The following CCDC7 variants were observed in gnomAD, a reference collection of about 807,000 sequenced individuals.
CCDC7 encodes the protein coiled-coil domain containing 7.
Under a neutral mutation model 196.9 loss-of-function variants are expected in CCDC7, and 183 were observed. The ratio of observed to expected loss-of-function variants is 0.93; its 90% CI spans 0.82 to 1.05. CCDC7 has a LOEUF of 1.05. Among genes scored for constraint, CCDC7 ranks in the 50% least tolerant of loss-of-function variants. The pLI is 0.00. For missense variants in CCDC7, 1,540 were observed against 1,482.2 expected (o/e 1.04, Z -0.64); for synonymous variants, 525 against 484.6 (o/e 1.08, Z -1.10).
intron 25 of CCDC7, among the ~76,000 whole-genome samples, chr10:32,716,984 A>C (rs1051727324): frequency 3.9e-5 from 6 of 152,118 alleles, no homozygotes; most frequent in Non-Finnish European, 7.4e-5. Flanking sequence ...GAGACAGAAA[A>C]TTAACAAGGA....
intron 30 of CCDC7, among the ~76,000 whole-genome samples, chr10:32,811,175 T>A (rs1487802564): frequency 6.6e-6 from 1 of 151,896 alleles, no homozygotes; most frequent in Non-Finnish European, 1.5e-5. Flanking sequence ...AGAGCAGAAC[T>A]AAGTGAAATA....
intron 3 of CCDC7, among the ~76,000 whole-genome samples, chr10:32,460,521 C>G (rs1171926404): frequency 6.6e-6 from 1 of 152,118 alleles, no homozygotes; most frequent in Non-Finnish European, 1.5e-5. Flanking sequence ...GCTAAAGTTT[C>G]CCATCAGGTT....
At chr10:32,524,929 G>A (rs2048423469) in intron 11 of CCDC7, among the ~76,000 whole-genome samples, 1 of 151,986 alleles carries the variant, frequency 6.6e-6, no homozygotes, top group Non-Finnish European at 1.5e-5. Flanking sequence ...CTCTAGGTTT[G>A]GGAAGTTGTT....
intron 33 of CCDC7, among the ~76,000 whole-genome samples, chr10:32,844,967 G>C (rs189367170): frequency 8.8e-4 from 133 of 151,854 alleles, no homozygotes; most frequent in African/African-American, 3.2e-3. Flanking sequence ...ACTCTTAGCA[G>C]ATGCTATTGG....
intron 18 of CCDC7, among the ~76,000 whole-genome samples, chr10:32,633,247 A>C (rs1456007653): frequency 1.3e-5 from 2 of 152,084 alleles, no homozygotes; most frequent in Non-Finnish European, 2.9e-5. Flanking sequence ...ATTCATACAC[A>C]CATGTTCTTA....
intron 28 of CCDC7, among the ~76,000 whole-genome samples, chr10:32,752,349 C>T (rs757177537): frequency 7.2e-5 from 11 of 152,024 alleles, no homozygotes; most frequent in Non-Finnish European, 1.5e-4. Context: ...GACAAAACTC[C>T]CCAAGACATG....
At chr10:32,695,903 GC>G (rs1270483951) in intron 24 of CCDC7, among the ~76,000 whole-genome samples, 2 of 152,158 alleles carry the variant, frequency 1.3e-5, no homozygotes, top group Non-Finnish European at 2.9e-5. Context: ...TACGGCATGA[GC>G]CACCAATAGT....
chr10:32,790,249 G>T (rs927486345), intron 29 of CCDC7, among the ~76,000 whole-genome samples: 1 of 152,202 alleles, frequency 6.6e-6, no homozygotes, highest in Admixed American at 6.5e-5. Flanking sequence ...GGCTGTCTGT[G>T]GTGGCTCAGC....
intron 8 of CCDC7, among the ~76,000 whole-genome samples, chr10:32,475,507 A>G (rs2038807792): frequency 6.6e-6 from 1 of 152,222 alleles, no homozygotes; most frequent in South Asian, 2.1e-4. Flanking sequence ...ATAAAACCAC[A>G]TTTCAAAAGG....
At chr10:32,855,205 T>G (rs1488219424) in intron 41 of CCDC7, among the ~76,000 whole-genome samples, 1 of 58,262 alleles carries the variant, frequency 1.7e-5, no homozygotes, top group Non-Finnish European at 7.8e-5. Context: ...AAAATGTAAG[T>G]TTTTTTTTTT....
intron 33 of CCDC7, among the ~76,000 whole-genome samples, chr10:32,837,823 G>A (rs1211596943): frequency 2.6e-5 from 4 of 151,068 alleles, no homozygotes; most frequent in Non-Finnish European, 5.9e-5. Context: ...ACTATCACAA[G>A]GACAAAGTAC....
exon 35 of CCDC7, chr10:32,845,550 T>A (rs957860548): frequency 6.2e-7 from 1 of 1,609,628 alleles, no homozygotes; most frequent in Non-Finnish European, 8.5e-7. Flanking sequence ...TAGAGACTGA[T>A]AAGAACTTCT....
intron 20 of CCDC7, among the ~76,000 whole-genome samples, chr10:32,636,566 T>C (rs150411787): frequency 0.086 from 13,061 of 152,280 alleles, 881 homozygotes; most frequent in South Asian, 0.25. Context: ...ACTCATCCTT[T>C]TTTATGGCTG....
At chr10:32,499,109 G>A (rs1366415684) in intron 9 of CCDC7, 20 of 142,026 alleles carry the variant, frequency 1.4e-4, no homozygotes, top group African/African-American at 4.7e-4. Flanking sequence ...TTTTCCAGGA[G>A]GAAAAAAAAG....
intron 9 of CCDC7, among the ~76,000 whole-genome samples, chr10:32,511,116 C>T (rs1475451486): frequency 2.6e-5 from 4 of 151,508 alleles, no homozygotes. Context: ...TAATATATCA[C>T]AATGTTAAAA....
chr10:32,677,577 A>T (rs989365465), intron 21 of CCDC7, among the ~76,000 whole-genome samples: 108 of 152,160 alleles, frequency 7.1e-4, no homozygotes, highest in African/African-American at 2.5e-3. Context: ...GTTTGTGCTG[A>T]AAAGCTTATT....
At chr10:32,847,256 A>G (rs530734373) in intron 37 of CCDC7, among the ~76,000 whole-genome samples, 44 of 152,284 alleles carry the variant, frequency 2.9e-4, no homozygotes, top group Admixed American at 1.6e-3. Context: ...GGAGGAGGAA[A>G]TCAGTACCTG....
intron 8 of CCDC7, among the ~76,000 whole-genome samples, chr10:32,487,416 T>C (rs1202545302): frequency 6.6e-6 from 1 of 152,226 alleles, no homozygotes; most frequent in Non-Finnish European, 1.5e-5. Flanking sequence ...TTAACTTCTT[T>C]GCCATGGGTT....
At chr10:32,706,631 AG>A (rs1329250230) in intron 24 of CCDC7, among the ~76,000 whole-genome samples, 2 of 151,186 alleles carry the variant, frequency 1.3e-5, no homozygotes, top group East Asian at 1.9e-4. Context: ...AAAATGATAA[AG>A]GGGATACCAC....
Sources: gnomAD v4.1 joint callset for allele counts (sites outside exome capture counted in the v4.1 genomes callset) on GRCh38, gnomAD v4.1.1 for gene constraint, MANE v1.5 for transcripts, NCBI Gene and HGNC (gene_info 2026-07-23, HGNC 2026-07-21) for gene names.